Variants in NLGN1 observed in about 807,000 individuals in gnomAD.
The protein encoded by NLGN1 is neuroligin-1.
NLGN1 carries 12 observed loss-of-function variants against 65.5 expected under a neutral mutation model. That is an observed-to-expected ratio of 0.18 (90% CI 0.12 to 0.30). NLGN1 has a LOEUF of 0.30. Ranked by LOEUF, NLGN1 falls within the 10% of genes least tolerant of loss-of-function variation. NLGN1 has a pLI of 1.00. For synonymous variants in NLGN1, 350 were observed against 359.5 expected (o/e 0.97, Z 0.30); for missense variants, 750 against 1,007.1 (o/e 0.74, Z 3.46).
At chr3:174,285,219 C>A (rs1419021948) in exon 7 of NLGN1, 1 of 151,424 alleles carries the variant, frequency 6.6e-6, no homozygotes, top group Non-Finnish European at 1.5e-5. Flanking sequence ...TCTTAAGAAG[C>A]TGTCAAATAT....
chr3:173,442,844 GATTA>G (rs1719446861), intron 2 of NLGN1, among the ~76,000 whole-genome samples: 1 of 152,070 alleles, frequency 6.6e-6, no homozygotes, highest in Non-Finnish European at 1.5e-5. Context: ...ACTTCTGCCT[GATTA>G]ATTATAGTAT....
At chr3:174,174,069 A>G (rs777121660) in intron 4 of NLGN1, among the ~76,000 whole-genome samples, 1 of 152,070 alleles carries the variant, frequency 6.6e-6, no homozygotes, top group African/African-American at 2.4e-5. Flanking sequence ...GAGTGAGAAC[A>G]TATGATGTTT....
intron 4 of NLGN1, among the ~76,000 whole-genome samples, chr3:174,272,661 G>GATA (rs1561444849): frequency 0.11 from 11,755 of 104,870 alleles, 553 homozygotes; most frequent in East Asian, 0.17. Flanking sequence ...ATGGATGGAT[G>GATA]GATGGATAGA....
intron 4 of NLGN1, among the ~76,000 whole-genome samples, chr3:174,042,558 C>T (rs967091118): frequency 3.9e-5 from 6 of 152,106 alleles, no homozygotes; most frequent in Admixed American, 2.6e-4. Context: ...GACATGAGTC[C>T]GAACTTATGT....
At position 173,506,244 on chromosome 3, in the gene NLGN1, G is replaced by A. The variant is rs142971326; in HGVS notation, c.-321+71166G>A. Among the ~76,000 whole-genome samples, 775 of 152,000 alleles carry A rather than the reference G, an allele frequency of 5.1e-3. 9 individuals are homozygous for A. The highest frequency in any genetic ancestry group is 0.018 in the African/African-American group (739 of 41,478). On this transcript the variant is annotated intron_variant, in intron 2 of 6. Coordinates refer to ENST00000457714, the Ensembl canonical transcript of NLGN1. Reference sequence around the variant, plus strand: ...TTCTAGTTCGACATACTAAAGGTGAGGGTTGCCATTTTATATCTAGGAAAT... The same window carrying A: ...TTCTAGTTCGACATACTAAAGGTGAAGGTTGCCATTTTATATCTAGGAAAT...
At chr3:174,175,543 C>G (rs1203847621) in intron 4 of NLGN1, among the ~76,000 whole-genome samples, 2 of 151,748 alleles carry the variant, frequency 1.3e-5, no homozygotes, top group African/African-American at 2.4e-5. Flanking sequence ...GTTTTCTTGA[C>G]CTTTACATTA....
intron 3 of NLGN1, among the ~76,000 whole-genome samples, chr3:173,769,958 A>G (rs1370846374): frequency 1.3e-5 from 2 of 152,220 alleles, no homozygotes; most frequent in Non-Finnish European, 2.9e-5. Flanking sequence ...TGATTTCTGC[A>G]TACAGAATCC....
intron 2 of NLGN1, among the ~76,000 whole-genome samples, chr3:173,497,138 C>A (rs537202867): frequency 6.6e-6 from 1 of 151,928 alleles, no homozygotes; most frequent in African/African-American, 2.4e-5. Flanking sequence ...AATCCCAGCA[C>A]TTTGGGAGGC....
intron 4 of NLGN1, among the ~76,000 whole-genome samples, chr3:174,246,743 A>ATT (rs35025251): frequency 2.8e-4 from 42 of 150,366 alleles, no homozygotes; most frequent in African/African-American, 4.4e-4. Context: ...TAATAAAGCT[A>ATT]TTTTTTTTTT....
At chr3:173,828,980 A>G (rs1721931047) in intron 4 of NLGN1, among the ~76,000 whole-genome samples, 2 of 152,078 alleles carry the variant, frequency 1.3e-5, no homozygotes, top group Admixed American at 1.3e-4. Flanking sequence ...CAATAATGCC[A>G]TGACCTCAGT....
chr3:173,641,220 A>G (rs1247205400), intron 3 of NLGN1, among the ~76,000 whole-genome samples: 1 of 152,082 alleles, frequency 6.6e-6, no homozygotes, highest in Non-Finnish European at 1.5e-5. Flanking sequence ...TTAATTCATT[A>G]TTCTTTCTTA....
intron 4 of NLGN1, among the ~76,000 whole-genome samples, chr3:173,861,495 G>A (rs1729057435): frequency 1.3e-5 from 2 of 148,962 alleles, no homozygotes; most frequent in South Asian, 4.2e-4. Flanking sequence ...GTTAAGAATT[G>A]CCAATTCCAG....
At chr3:173,830,598 C>G (rs1428906804) in intron 4 of NLGN1, among the ~76,000 whole-genome samples, 1 of 151,946 alleles carries the variant, frequency 6.6e-6, no homozygotes, top group Non-Finnish European at 1.5e-5. Flanking sequence ...TTGAGGAAAT[C>G]CAATCCATAC....
At chr3:173,404,512 C>T (rs935054277) in intron 1 of NLGN1, among the ~76,000 whole-genome samples, 1 of 152,086 alleles carries the variant, frequency 6.6e-6, no homozygotes, top group Admixed American at 6.6e-5. Context: ...TTAGTAACTC[C>T]ATCTGTGTTT....
intron 3 of NLGN1, among the ~76,000 whole-genome samples, chr3:173,727,896 G>C (rs1182793266): frequency 6.6e-6 from 1 of 152,162 alleles, no homozygotes; most frequent in Admixed American, 6.6e-5. Context: ...TGGAGATGGT[G>C]TTTCCCACTG....
chr3:174,197,705 C>T (rs1733722772), intron 4 of NLGN1, among the ~76,000 whole-genome samples: 1 of 148,530 alleles, frequency 6.7e-6, no homozygotes, highest in Non-Finnish European at 1.5e-5. Context: ...AGTCAAAAAC[C>T]CACAGACATC....
chr3:173,810,207 CA>C (rs1360031941), intron 4 of NLGN1, among the ~76,000 whole-genome samples: 11 of 152,226 alleles, frequency 7.2e-5, no homozygotes, highest in African/African-American at 2.6e-4. Flanking sequence ...ACATTTGTTT[CA>C]GCATACTTTG....
chr3:173,715,545 C>T (rs559470574), intron 3 of NLGN1, among the ~76,000 whole-genome samples: 1 of 152,230 alleles, frequency 6.6e-6, no homozygotes, highest in East Asian at 1.9e-4. Context: ...GACTAGTGAG[C>T]TATTTCTATG....
chr3:174,030,346 G>A lies in NLGN1; in HGVS notation c.646+222514G>A, dbSNP rs546735268. Among the ~76,000 whole-genome samples the A allele has an allele frequency of 2.7e-3, 408 of 151,964 alleles. 2 individuals are homozygous for A. The highest frequency in any genetic ancestry group is 9.1e-3 in the African/African-American group (379 of 41,454). On this transcript the variant is annotated intron_variant, in intron 4 of 6. Transcript: ENST00000457714. Reference sequence around the variant, plus strand: ...TCACCATGTTGGCCAGGCTGGTCTCGAACTCCTGACCTCGTGATCCTCCCG... The same window carrying A: ...TCACCATGTTGGCCAGGCTGGTCTCAAACTCCTGACCTCGTGATCCTCCCG...
Sources: gnomAD v4.1 joint callset for allele counts (sites outside exome capture counted in the v4.1 genomes callset) on GRCh38, gnomAD v4.1.1 for gene constraint, MANE v1.5 for transcripts, NCBI Gene and HGNC (gene_info 2026-07-23, HGNC 2026-07-21) for gene names.